PCDH7: variants seen among roughly 807,000 people sequenced by gnomAD.
PCDH7 encodes protocadherin-7.
PCDH7 carries 17 observed loss-of-function variants against 58.9 expected under a neutral mutation model. That is an observed-to-expected ratio of 0.29 (90% confidence interval 0.20 to 0.43). The LOEUF is 0.43. PCDH7 is among the 20% of genes least tolerant of loss of function. The probability of loss-of-function intolerance (pLI) is 1.00; values close to 1 mark genes in which losing one functional copy is unlikely to be tolerated. For synonymous variants in PCDH7, 664 were observed against 616.4 expected, an observed-to-expected ratio of 1.08 and a Z score of -1.14; for missense variants, 1,274 against 1,441.0, an observed-to-expected ratio of 0.88 and a Z score of 1.88.
At chr4:30,926,640 A>G (rs1489162310) in intron 2 of PCDH7, among the ~76,000 whole-genome samples, 4 of 152,156 alleles carry the variant, frequency 2.6e-5, no homozygotes, top group Non-Finnish European at 4.4e-5. Flanking sequence ...TTCGAGTACC[A>G]TAGGGTAGTA....
Position 30,721,259 on chromosome 4 carries a change from C to T in PCDH7, c.-164C>T. On this transcript the variant is annotated 5_prime_UTR_variant, in exon 1 of 2. Transcript: ENST00000361762. The surrounding 1 kb of genome is among the most constrained non-coding windows in gnomAD (Gnocchi z 6.7). Reference sequence around the variant, plus strand: ...GCTGCCCTCCCACCCCCATTCCCGGCCAACTCTCCACGCCGCTTTTGCCCC... The same window carrying T: ...GCTGCCCTCCCACCCCCATTCCCGGTCAACTCTCCACGCCGCTTTTGCCCC... 1 of 621,124 alleles carries T rather than the reference C, an allele frequency of 1.6e-6. No individual in the cohort carries two copies. Among genetic ancestry groups the T allele is most frequent in the Non-Finnish European group, 2.7e-6 (1 of 373,498 alleles). The allele number at this position is 621,124 out of a possible 1,614,324, so 38.5% of individuals were successfully genotyped here.
chr4:31,011,614 G>T (rs1753191531), intron 3 of PCDH7, among the ~76,000 whole-genome samples: 1 of 151,946 alleles, frequency 6.6e-6, no homozygotes, highest in Non-Finnish European at 1.5e-5. Context: ...CCCATAGAAT[G>T]AAAATCACAG....
At chr4:30,773,215 T>G (rs1392522125) in intron 1 of PCDH7, among the ~76,000 whole-genome samples, 1 of 152,216 alleles carries the variant, frequency 6.6e-6, no homozygotes, top group African/African-American at 2.4e-5. Flanking sequence ...CTTTCTATTT[T>G]ATAGTGAAGA....
chr4:30,798,337 G>A (rs1725063529), intron 1 of PCDH7, among the ~76,000 whole-genome samples: 1 of 152,098 alleles, frequency 6.6e-6, no homozygotes, highest in South Asian at 2.1e-4. Flanking sequence ...AAATATATCT[G>A]GGTTGTATGC....
chr4:30,853,566 A>T (rs372502608), intron 1 of PCDH7, among the ~76,000 whole-genome samples: 70 of 152,080 alleles, frequency 4.6e-4, no homozygotes, highest in African/African-American at 1.6e-3. Flanking sequence ...AGTTTTATAT[A>T]TTTATTTTTA....
intron 1 of PCDH7, among the ~76,000 whole-genome samples, chr4:30,745,790 G>A (rs972681123): frequency 1.2e-4 from 18 of 151,978 alleles, no homozygotes; most frequent in Admixed American, 1.0e-3. Flanking sequence ...ATGTGTGTGT[G>A]TGTGCGTGCA....
rs149899623 is a variant in PCDH7, at chr4:30,805,448, A to G, written c.70+80852A>G. On this transcript the variant is annotated intron_variant, in intron 1 of 3. Transcript: ENST00000509759. Reference sequence around the variant, plus strand: ...ACTACTTCATGGGGTTTTGGGGAGGATTAAGAAAGTAAAAGATATAAATAA... The same window carrying G: ...ACTACTTCATGGGGTTTTGGGGAGGGTTAAGAAAGTAAAAGATATAAATAA... Among the ~76,000 whole-genome samples, 886 of 152,318 alleles carry G rather than the reference A, an allele frequency of 5.8e-3. 5 individuals are homozygous for G. Among genetic ancestry groups the G allele is most frequent in the Non-Finnish European group, 9.8e-3 (664 of 68,030 alleles).
In PCDH7 at chr4:30,723,480, T is replaced by C. The variant is rs755346210; in HGVS notation, c.2058T>C (p.Ser686=). The stretch of plus-strand genomic sequence containing the variant: ...TAGAGGAGAACAATAACATTTTTTC[T>C]ATTGAAAATGACACGGGGACCATTT... The change falls in exon 1 of 2, where the codon TCT becomes TCC. Residue 686 remains serine (S), a synonymous_variant. Coordinates refer to ENST00000361762, the Ensembl canonical transcript of PCDH7. This position sits in a 1 kb window ranked among gnomAD's most constrained non-coding sequence, Gnocchi z 4.6. 2 of 1,614,184 alleles carry C rather than the reference T, an allele frequency of 1.2e-6. No homozygotes were observed. Among genetic ancestry groups the C allele is most frequent in the Non-Finnish European group, 8.5e-7 (1 of 1,180,032 alleles).
chr4:31,009,106 A>G (rs977262925), intron 3 of PCDH7, among the ~76,000 whole-genome samples: 8 of 152,114 alleles, frequency 5.3e-5, no homozygotes, highest in African/African-American at 1.9e-4. Flanking sequence ...CCAATTTTCT[A>G]TAACACTTGG....
intron 3 of PCDH7, among the ~76,000 whole-genome samples, chr4:30,978,884 A>G (rs879782185): frequency 2.6e-5 from 4 of 152,216 alleles, no homozygotes; most frequent in Non-Finnish European, 5.9e-5. Context: ...TAAGGGGATT[A>G]TAATGAAAAG....
At chr4:31,092,532 G>A (rs957308548) in intron 3 of PCDH7, among the ~76,000 whole-genome samples, 8 of 152,000 alleles carry the variant, frequency 5.3e-5, no homozygotes, top group Admixed American at 3.3e-4. Context: ...GTTATGAGAT[G>A]CTTTGTGAAT....
rs76234527 is a variant in PCDH7 at position 30,910,428 on chromosome 4, G to A, written c.71-9725G>A. Among the ~76,000 whole-genome samples the A allele has an allele frequency of 1.4e-4, 22 of 152,214 alleles. No homozygotes were observed. In the East Asian group the frequency reaches 4.3e-3, roughly 29 times the overall value. ...TTTTGCATTCTATCCATCTGACAAA[G>A]GGCTAATATCCAGAATCCACAAGAA... is the stretch of plus-strand genomic sequence containing the variant. On this transcript the variant is annotated intron_variant, in intron 1 of 3. Transcript: ENST00000509759.
intron 1 of PCDH7, among the ~76,000 whole-genome samples, chr4:30,863,628 A>G (rs1292251663): frequency 6.6e-6 from 1 of 152,104 alleles, no homozygotes; most frequent in Non-Finnish European, 1.5e-5. Context: ...ATAAATATGG[A>G]AAGAGGAAAG....
intron 1 of PCDH7, among the ~76,000 whole-genome samples, chr4:30,870,657 G>A (rs1219609446): frequency 6.6e-6 from 1 of 152,044 alleles, no homozygotes. Context: ...CAGGAAGTGC[G>A]AAAATAGCAC....
chr4:30,725,608 A>G (rs1352638458), intron 1 of PCDH7, among the ~76,000 whole-genome samples: 1 of 152,148 alleles, frequency 6.6e-6, no homozygotes, highest in Non-Finnish European at 1.5e-5. Flanking sequence ...ACAGCAAACA[A>G]GACCTTTTGG....
rs1330264114 is a variant in PCDH7, at chr4:31,091,672, T to A, written c.*8-50801T>A. On this transcript the variant is annotated intron_variant, in intron 3 of 3. Transcript: ENST00000509759. Reference sequence around the variant, plus strand: ...TGAAAAAGAATTTTATATCCTAGTTTAATTCCCACTAATCTTCTATCAGTT... The same window carrying A: ...TGAAAAAGAATTTTATATCCTAGTTAAATTCCCACTAATCTTCTATCAGTT... Among the ~76,000 whole-genome samples, 3 of 151,950 alleles carry A rather than the reference T, an allele frequency of 2.0e-5. No homozygotes were observed. The East Asian group carries it at 5.8e-4, about 29-fold the overall frequency.
intron 1 of PCDH7, among the ~76,000 whole-genome samples, chr4:30,900,924 T>C (rs1740128620): frequency 6.6e-6 from 1 of 152,204 alleles, no homozygotes; most frequent in Non-Finnish European, 1.5e-5. Context: ...GCAACATATG[T>C]CTTTCATGTC....
chr4:31,009,302 T>A (rs1753003743), intron 3 of PCDH7, among the ~76,000 whole-genome samples: 4 of 152,058 alleles, frequency 2.6e-5, no homozygotes, highest in Admixed American at 1.3e-4. Context: ...TGGAAAAATC[T>A]CACTCGTATT....
At chr4:30,728,110 C>A (rs1022853682) in intron 1 of PCDH7, among the ~76,000 whole-genome samples, 3 of 151,416 alleles carry the variant, frequency 2.0e-5, no homozygotes, top group African/African-American at 4.8e-5. Context: ...CTTTAGTGAT[C>A]GAATTATGTT....
Sources: gnomAD v4.1 joint callset for allele counts (sites outside exome capture counted in the v4.1 genomes callset) on GRCh38, gnomAD v4.1.1 for gene constraint, Gnocchi (gnomAD v3.1) non-coding constraint, MANE v1.5 for transcripts, NCBI Gene and HGNC (gene_info 2026-07-23, HGNC 2026-07-21) for gene names.